The following NFATC1 variants were observed in gnomAD, a reference collection of about 807,000 sequenced individuals.
NFATC1 encodes nuclear factor of activated T cells 1, also known as nuclear factor of activated T-cells, cytoplasmic 1.
A neutral mutation model predicts 76.0 loss-of-function variants in NFATC1; 22 were observed. The ratio of observed to expected loss-of-function variants is 0.29; its 90% CI spans 0.21 to 0.41. NFATC1 has a LOEUF of 0.41. Among genes scored for constraint, NFATC1 ranks in the 10% least tolerant of loss-of-function variants. NFATC1 has a pLI of 1.00. For synonymous variants in NFATC1, 704 were observed against 613.1 expected, an observed-to-expected ratio of 1.15 and a Z score of -2.19; for missense variants, 1,357 against 1,337.7, an observed-to-expected ratio of 1.01 and a Z score of -0.23.
chr18:79,419,681 G>T (rs1295283754), intron 2 of NFATC1, among the ~76,000 whole-genome samples: 1 of 152,240 alleles, frequency 6.6e-6, no homozygotes, highest in African/African-American at 2.4e-5. Context: ...CTGTGGTCCA[G>T]CTGGGAGGAA....
chr18:79,413,789 T>C (rs2085781405), intron 2 of NFATC1, among the ~76,000 whole-genome samples: 1 of 152,230 alleles, frequency 6.6e-6, no homozygotes, highest in Admixed American at 6.5e-5. Flanking sequence ...CAGCCCCTCC[T>C]GTCCACCTTG....
intron 2 of NFATC1, among the ~76,000 whole-genome samples, chr18:79,426,335 G>A (rs996288292): frequency 6.6e-6 from 1 of 152,074 alleles, no homozygotes; most frequent in Non-Finnish European, 1.5e-5. Flanking sequence ...CCAGGCGAGG[G>A]AGACACAGGT....
chr18:79,411,374 G>C lies in NFATC1; in HGVS notation c.1099G>C (p.Ala367Pro), dbSNP rs181064956. ...LGSPPPPADF[A>P]PEDYSSFQHI... ...CAGCCCCCCGCCCCCGGCCGACTTC[G>C]CGCCCGAAGACTACTCCTCTTTCCA... is the stretch of plus-strand genomic sequence containing the variant. The change falls in exon 2 of 10, where the codon GCG (alanine) becomes CCG (proline). Residue 367 changes from alanine to proline, a missense_variant. Transcript: ENST00000427363. The C allele has an allele frequency of 1.9e-6, 3 of 1,585,520 alleles. No individual in the cohort carries two copies. The highest frequency in any genetic ancestry group is 1.4e-5 in the African/African-American group (1 of 74,032).
At chr18:79,451,844 G>T (rs779521239) in intron 6 of NFATC1, 28 bp downstream of exon 6, 1 of 1,585,498 alleles carries the variant, frequency 6.3e-7, no homozygotes, top group Non-Finnish European at 8.6e-7. Flanking sequence ...GGCCATCTGC[G>T]GCCTGGGCTT....
chr18:79,453,333 G>A (rs747791361), intron 6 of NFATC1, among the ~76,000 whole-genome samples: 15 of 152,180 alleles, frequency 9.9e-5, no homozygotes, highest in Non-Finnish European at 1.8e-4. Context: ...GCCTCCCCCC[G>A]AATGCAGTCC....
At chr18:79,504,803 G>A (rs1047092335) in intron 9 of NFATC1, among the ~76,000 whole-genome samples, 33 of 151,822 alleles carry the variant, frequency 2.2e-4, no homozygotes, top group African/African-American at 7.5e-4. Context: ...AGGCCCTTGG[G>A]TGAGGGAAGA....
At chr18:79,495,396 A>AT (rs1303770783) in intron 9 of NFATC1, among the ~76,000 whole-genome samples, 4 of 152,220 alleles carry the variant, frequency 2.6e-5, no homozygotes, top group Non-Finnish European at 4.4e-5. Flanking sequence ...CTACAGTCCA[A>AT]TTTTGTGTAC....
intron 3 of NFATC1, among the ~76,000 whole-genome samples, chr18:79,434,663 C>T (rs2086709708): frequency 6.6e-6 from 1 of 152,232 alleles, no homozygotes; most frequent in African/African-American, 2.4e-5. Context: ...GCCCCAGCCC[C>T]GTTATTTAGG....
chr18:79,413,369 G>A (rs1030850104), intron 2 of NFATC1, among the ~76,000 whole-genome samples: 2 of 152,228 alleles, frequency 1.3e-5, no homozygotes, highest in African/African-American at 2.4e-5. Context: ...ACTGGAAGCC[G>A]AGATCAGGGG....
intron 5 of NFATC1, 21 bp from the exon 6 acceptor site, chr18:79,451,655 G>T: frequency 6.4e-7 from 1 of 1,567,866 alleles, no homozygotes; most frequent in Admixed American, 1.8e-5. Flanking sequence ...GGCCCTCACT[G>T]CCCCTCTCCT....
rs569424567 is a variant in NFATC1 at position 79,474,160 on chromosome 18, G to A, written c.2092+6578G>A. Among the ~76,000 whole-genome samples the A allele has an allele frequency of 6.8e-4, 89 of 130,786 alleles. 4 individuals are homozygous for A. The highest frequency in any genetic ancestry group is 2.8e-3 in the African/African-American group (87 of 30,778). The allele number at this position is 130,786 out of a possible 152,430, so 85.8% of individuals were successfully genotyped here. ...TCGACGTTGTAAACCTGAGGGAAGC[G>A]TGTTCTCACGCTCGCTGTCGACGTA... On this transcript the variant is annotated intron_variant, in intron 8 of 9. Transcript: ENST00000427363.
At chr18:79,523,258 A>T (rs2090662449) in intron 9 of NFATC1, among the ~76,000 whole-genome samples, 2 of 152,206 alleles carry the variant, frequency 1.3e-5, no homozygotes, top group Non-Finnish European at 2.9e-5. Context: ...GTTGCTTCCA[A>T]GCCAGGCAGC....
At chr18:79,480,676 G>A (rs1445384114) in intron 8 of NFATC1, among the ~76,000 whole-genome samples, 1 of 152,178 alleles carries the variant, frequency 6.6e-6, no homozygotes, top group African/African-American at 2.4e-5. Context: ...AGCAGCAGAC[G>A]CCACCCGGTT....
chr18:79,519,903 C>T (rs549281106), intron 9 of NFATC1, among the ~76,000 whole-genome samples: 2 of 152,272 alleles, frequency 1.3e-5, no homozygotes, highest in East Asian at 1.9e-4. Context: ...TGCTCGCTGT[C>T]GCTCCTTTGC....
intron 8 of NFATC1, among the ~76,000 whole-genome samples, chr18:79,483,187 CCAGCGTGACCTGGTTCCTGGGGT>C (rs1569017477): frequency 2.6e-4 from 30 of 114,592 alleles, no homozygotes; most frequent in African/African-American, 8.4e-4. Context: ...GGGTGTAATT[CCAGCGTGACCTGGTTCCTGGGGT>C]GTAATTCCAG....
intron 9 of NFATC1, among the ~76,000 whole-genome samples, chr18:79,489,512 C>A (rs775698562): frequency 6.6e-6 from 1 of 152,204 alleles, no homozygotes; most frequent in African/African-American, 2.4e-5. Flanking sequence ...TGTTTCCCGG[C>A]GTGCTGCCGT....
intron 6 of NFATC1, among the ~76,000 whole-genome samples, chr18:79,458,778 G>T (rs1466642847): frequency 2.6e-5 from 4 of 152,238 alleles, no homozygotes; most frequent in Non-Finnish European, 5.9e-5. Flanking sequence ...GCTGGGAGCC[G>T]CCATGGCGAT....
At chr18:79,460,888 G>C (rs59283219) in intron 6 of NFATC1, among the ~76,000 whole-genome samples, 9,183 of 152,278 alleles carry the variant, frequency 0.06, 879 homozygotes, top group African/African-American at 0.2. Context: ...ACGCTCTGCT[G>C]ATGGGGTACC....
chr18:79,434,426 A>G (rs1443056338), intron 3 of NFATC1, among the ~76,000 whole-genome samples: 3 of 152,242 alleles, frequency 2.0e-5, no homozygotes, highest in Non-Finnish European at 2.9e-5. Flanking sequence ...GCGTCTGCAC[A>G]GAGCCATGCT....
Sources: gnomAD v4.1 joint callset for allele counts (sites outside exome capture counted in the v4.1 genomes callset) on GRCh38, gnomAD v4.1.1 for gene constraint, MANE v1.5 for transcripts, NCBI Gene and HGNC (gene_info 2026-07-23, HGNC 2026-07-21) for gene names.